Variants in DCDC1 observed in about 807,000 individuals in gnomAD.
The protein encoded by DCDC1 is doublecortin domain-containing protein 1.
DCDC1 carries 200 observed loss-of-function variants against 178.3 expected under a neutral mutation model. The ratio of observed to expected loss-of-function variants is 1.12; its 90% CI spans 1.00 to 1.26. The LOEUF is 1.26. DCDC1 is among the 50% of genes most tolerant of loss of function. The probability of loss-of-function intolerance (pLI) is 0.00; values close to 1 mark genes in which losing one functional copy is unlikely to be tolerated. For synonymous variants in DCDC1, 690 were observed against 604.8 expected, an observed-to-expected ratio of 1.14 and a Z score of -2.07; for missense variants, 1,983 against 1,749.2, an observed-to-expected ratio of 1.13 and a Z score of -2.38.
At chr11:30,981,713 CTG>C (rs1197741400) in intron 20 of DCDC1, among the ~76,000 whole-genome samples, 1 of 152,104 alleles carries the variant, frequency 6.6e-6, no homozygotes, top group Non-Finnish European at 1.5e-5. Flanking sequence ...GGTGGAAAGG[CTG>C]TGTTTTAAAT....
At chr11:31,336,096 T>A (rs1256851789) in intron 1 of DCDC1, among the ~76,000 whole-genome samples, 1 of 152,110 alleles carries the variant, frequency 6.6e-6, no homozygotes, top group Admixed American at 6.5e-5. Flanking sequence ...ACAATAAACA[T>A]CATAAATAAG....
chr11:31,341,432 T>TAGAG, intron 1 of DCDC1, among the ~76,000 whole-genome samples: 2 of 139,536 alleles, frequency 1.4e-5, no homozygotes, highest in South Asian at 4.5e-4. Context: ...GATAGATAGA[T>TAGAG]AGATAGACAT....
rs771725266 is a variant in DCDC1, at chr11:31,127,532, A to G, written c.1422T>C (p.Tyr474=). ...GAAGGCTTTTAATGTGTTGGTAGAC[A>G]TAAGAGGAGAATTGCTCCTGCTCAG... ...LQAEQEQFSS[Y]VYQHIKSLPA... Residue 474 remains tyrosine (Y), a synonymous_variant, in exon 11 of 39, where the codon TAT becomes TAC. Transcript: ENST00000684477. 16 of 702,668 alleles carry G rather than the reference A, an allele frequency of 2.3e-5. No individual in the cohort carries two copies. The highest frequency in any genetic ancestry group is 2.0e-5 in the Admixed American group (1 of 49,984). The allele number at this position is 702,668 out of a possible 1,614,324, so 43.5% of individuals were successfully genotyped here.
rs145659727 is a variant in DCDC1, at chr11:31,033,970, C to A, written c.2591+30499G>T. 1.7e-3 allele frequency among the ~76,000 whole-genome samples: 264 copies of A among 151,988 alleles called. 3 individuals are homozygous for A. The highest frequency in any genetic ancestry group is 5.9e-3 in the African/African-American group (243 of 41,516). ...GACCAGCTGGCCAACATAGTAAAAC[C>A]CTGTCTCTAGTAGAAATATAAAAAT... On this transcript the variant is annotated intron_variant, in intron 20 of 38. Coordinates refer to ENST00000684477, the MANE Select transcript of DCDC1 (RefSeq NM_001387274.1).
rs193174170 is a variant in DCDC1, at chr11:31,138,173, G to A, written c.1222-389C>T. ...GGAGTAAATTGTTTGCTGTTATGTCGGGATAAGAAGTCAATGACATAAACT... is the reference window on the plus strand; with the variant it reads ...GGAGTAAATTGTTTGCTGTTATGTCAGGATAAGAAGTCAATGACATAAACT... On this transcript the variant is annotated intron_variant, in intron 9 of 38. Coordinates refer to ENST00000684477, the MANE Select transcript of DCDC1 (RefSeq NM_001387274.1). 2.1e-4 allele frequency among the ~76,000 whole-genome samples: 32 copies of A among 152,114 alleles called. No individual in the cohort carries two copies. The East Asian group carries it at 5.6e-3, about 27-fold the overall frequency.
At chr11:31,064,284 A>G (rs998517782) in intron 20 of DCDC1, among the ~76,000 whole-genome samples, 185 bp downstream of exon 20, 1 of 152,162 alleles carries the variant, frequency 6.6e-6, no homozygotes, top group Non-Finnish European at 1.5e-5. Context: ...ACATACATCA[A>G]TCTTCAACAA....
At chr11:31,171,340 A>G (rs1462930604) in intron 9 of DCDC1, among the ~76,000 whole-genome samples, 1 of 74,464 alleles carries the variant, frequency 1.3e-5, no homozygotes, top group Non-Finnish European at 2.4e-5. Flanking sequence ...CATAAACAAC[A>G]TGAAAAAAAA....
At chr11:31,363,360 G>T (rs961871455) in intron 1 of DCDC1, among the ~76,000 whole-genome samples, 3 of 152,036 alleles carry the variant, frequency 2.0e-5, no homozygotes, top group African/African-American at 2.4e-5. Flanking sequence ...TAAAACAAGA[G>T]TTATTGCCTT....
chr11:31,085,496 CTT>C (rs1284519385), intron 17 of DCDC1, among the ~76,000 whole-genome samples: 1 of 152,000 alleles, frequency 6.6e-6, no homozygotes. Flanking sequence ...ACAATATGTA[CTT>C]TTTTTGTTTT....
intron 20 of DCDC1, among the ~76,000 whole-genome samples, chr11:30,963,431 T>A (rs909435725): frequency 6.6e-6 from 1 of 152,098 alleles, no homozygotes; most frequent in Admixed American, 6.6e-5. Flanking sequence ...GTAATAGACT[T>A]TTAGCTGGGT....
chr11:30,976,267 T>C (rs542422229), intron 20 of DCDC1, among the ~76,000 whole-genome samples: 32 of 152,112 alleles, frequency 2.1e-4, no homozygotes, highest in Admixed American at 2.1e-3. Context: ...CAAAACTTTG[T>C]TCTGTCTATG....
At chr11:31,114,849 AG>A (rs1349859072) in intron 11 of DCDC1, among the ~76,000 whole-genome samples, 1 of 152,180 alleles carries the variant, frequency 6.6e-6, no homozygotes, top group African/African-American at 2.4e-5. Context: ...AGTAGACTGT[AG>A]GAGGCAAAGG....
At chr11:30,956,378 C>T (rs1235349145) in intron 20 of DCDC1, among the ~76,000 whole-genome samples, 3 of 152,152 alleles carry the variant, frequency 2.0e-5, no homozygotes, top group Non-Finnish European at 2.9e-5. Context: ...AGAAATTCAG[C>T]TCCCTCCAAT....
intron 9 of DCDC1, among the ~76,000 whole-genome samples, chr11:31,156,478 T>G (rs963066741): frequency 1.3e-5 from 2 of 152,046 alleles, no homozygotes; most frequent in Admixed American, 1.3e-4. Flanking sequence ...TTTTAAATTA[T>G]CTAGTAGCTG....
intron 15 of DCDC1, among the ~76,000 whole-genome samples, chr11:31,096,822 C>T (rs145229410): frequency 6.0e-4 from 91 of 151,754 alleles, no homozygotes; most frequent in African/African-American, 8.5e-4. Flanking sequence ...TTAGACCAAA[C>T]GAGGGTGGGA....
At position 30,911,434 on chromosome 11, in the gene DCDC1, G is replaced by A. The variant is rs1476095166; in HGVS notation, c.3654-14C>T. 1 of 1,579,998 alleles carries A rather than the reference G, an allele frequency of 6.3e-7. No individual in the cohort carries two copies. On this transcript the variant is annotated splice_polypyrimidine_tract_variant and intron_variant, in intron 27 of 38. Coordinates refer to ENST00000684477, the MANE Select transcript of DCDC1 (RefSeq NM_001387274.1). ...AGGTGAAAGGTCCTTGGGAAAACAG[G>A]ATTAGCCACATTACAAAGTAGCATG...
intron 6 of DCDC1, among the ~76,000 whole-genome samples, chr11:31,298,766 G>A (rs1418359799): frequency 6.6e-6 from 1 of 152,128 alleles, no homozygotes; most frequent in Non-Finnish European, 1.5e-5. Flanking sequence ...AAATAAATCT[G>A]GATGCTCCTA....
intron 9 of DCDC1, among the ~76,000 whole-genome samples, chr11:31,209,244 A>T (rs978588078): frequency 2.0e-5 from 3 of 152,216 alleles, no homozygotes; most frequent in Non-Finnish European, 2.9e-5. Flanking sequence ...GTAGGAAAAG[A>T]AGTTAGAAGT....
At chr11:31,301,182 T>C (rs1020464868) in intron 6 of DCDC1, among the ~76,000 whole-genome samples, 6 of 152,232 alleles carry the variant, frequency 3.9e-5, no homozygotes, top group Admixed American at 6.5e-5. Context: ...TGTTTTTTTT[T>C]CACCACATAA....
Sources: allele counts gnomAD v4.1 joint callset (sites outside exome capture counted in the v4.1 genomes callset), GRCh38; gene constraint gnomAD v4.1.1; transcripts MANE v1.5; gene names NCBI Gene and HGNC (gene_info 2026-07-23, HGNC 2026-07-21).